PACSIN2: variants seen among roughly 807,000 people sequenced by gnomAD.
The protein encoded by PACSIN2 is protein kinase C and casein kinase substrate in neurons protein 2.
PACSIN2 carries 25 observed loss-of-function variants against 63.8 expected under a neutral mutation model. The observed-to-expected ratio is 0.39, with a 90% confidence interval of 0.29 to 0.55. The LOEUF is 0.55. PACSIN2 is among the 20% of genes least tolerant of loss of function. The pLI is 0.62. For synonymous variants in PACSIN2, 255 were observed against 256.2 expected (o/e 1.00, Z 0.05); for missense variants, 518 against 646.9 (o/e 0.80, Z 2.16).
intron 1 of PACSIN2, among the ~76,000 whole-genome samples, chr22:43,011,003 T>C (rs1924454010): frequency 6.6e-6 from 1 of 152,222 alleles, no homozygotes; most frequent in African/African-American, 2.4e-5. Flanking sequence ...GCAGAATAAT[T>C]TGAGAATTCT....
chr22:42,985,219 T>G (rs1922520470), intron 1 of PACSIN2, among the ~76,000 whole-genome samples: 1 of 152,184 alleles, frequency 6.6e-6, no homozygotes, highest in African/African-American at 2.4e-5. Flanking sequence ...TCCCAGCTAC[T>G]TGGGGGCTGA....
At position 42,871,373 on chromosome 22, in the gene PACSIN2, A is replaced by G. The variant is rs1201859124; in HGVS notation, c.1445T>C (p.Val482Ala). The G allele has an allele frequency of 6.2e-7, 1 of 1,612,752 alleles. No individual in the cohort carries two copies. The highest frequency in any genetic ancestry group is 1.3e-5 in the African/African-American group (1 of 74,846). The change falls in exon 11 of 11, where the codon GTG becomes GCG. Residue 482 changes from valine (V) to alanine (A), a missense_variant. By Grantham distance (64) the Val-to-Ala change is moderately conservative. This residue lies in a region of PACSIN2 where 11 missense variants were observed against 34.6 expected (regional missense o/e 0.32). Transcript: ENST00000263246. The surrounding 1 kb of genome is among the most constrained non-coding windows in gnomAD (Gnocchi z 5.4). ...CCCGACTCATCACTGGATCGCCTCCACATAATTTGCCGGGTATAGGCCAAC... is the reference window on the plus strand; with the variant it reads ...CCCGACTCATCACTGGATCGCCTCCGCATAATTTGCCGGGTATAGGCCAAC... ...GQVGLYPANY[V>A]EAIQ is the part of the protein sequence containing the mutation.
rs75234014 is a variant in PACSIN2, at chr22:42,889,789, C to A, written c.454-991G>T. 4.7e-3 allele frequency among the ~76,000 whole-genome samples: 716 copies of A among 152,178 alleles called. 1 individual carries two copies. The highest frequency in any genetic ancestry group is 0.015 in the African/African-American group (624 of 41,504). ...GATGACAGCCTCCAACTAGCCAAGG[C>A]TCGACAAAACTCAATGGCTTTGGTT... On this transcript the variant is annotated intron_variant, in intron 4 of 10. Coordinates refer to ENST00000263246, the MANE Select transcript of PACSIN2 (RefSeq NM_001184970.3).
intron 10 of PACSIN2, among the ~76,000 whole-genome samples, chr22:42,874,852 CTT>C (rs777530387): frequency 3.9e-5 from 5 of 128,136 alleles, no homozygotes; most frequent in Admixed American, 1.6e-4. Context: ...TGGGCATCCG[CTT>C]TTTTTTTTTT....
At chr22:42,882,111 ACAT>A in intron 7 of PACSIN2, 70 bp downstream of exon 7, 1 of 1,526,010 alleles carries the variant, frequency 6.6e-7, no homozygotes, top group South Asian at 1.1e-5. Context: ...AATGAGAAAG[ACAT>A]CATCTAGCAA....
chr22:42,989,780 G>A (rs1354462737), intron 1 of PACSIN2, among the ~76,000 whole-genome samples: 2 of 149,622 alleles, frequency 1.3e-5, no homozygotes, highest in Non-Finnish European at 3.0e-5. Context: ...CAGCCTGGGC[G>A]ACACAGTGAG....
In PACSIN2 at chr22:42,888,780, C is replaced by A. The variant is rs757502723; in HGVS notation, c.472G>T (p.Ala158Ser). 6.2e-7 allele frequency: 1 copy of A among 1,614,198 alleles called. No homozygotes were observed. The highest frequency in any genetic ancestry group is 2.2e-5 in the East Asian group (1 of 44,886). ...KLKEVEAAKK[A>S]HHAACKEEKL... Reference sequence around the variant, plus strand: ...TCCTCTTTGCACGCTGCATGGTGGGCTTTCTTTGCTGCTTCTACCTACAGG... The same window carrying A: ...TCCTCTTTGCACGCTGCATGGTGGGATTTCTTTGCTGCTTCTACCTACAGG... Residue 158 changes from alanine to serine, a missense_variant, in exon 5 of 11, where the codon GCC becomes TCC. By Grantham distance (99) the Ala-to-Ser change is moderately conservative (BLOSUM62 1). Around this residue, in one of 2 missense-constraint regions of PACSIN2, gnomAD observed 507 missense variants for 612.3 expected, o/e 0.83. Transcript: ENST00000263246.
intron 1 of PACSIN2, among the ~76,000 whole-genome samples, chr22:42,974,963 C>A (rs1921589624): frequency 6.6e-6 from 1 of 152,124 alleles, no homozygotes; most frequent in South Asian, 2.1e-4. Context: ...CCTCTGCAGA[C>A]CCAGCTGACC....
chr22:42,921,502 G>C (rs143816473), intron 1 of PACSIN2, among the ~76,000 whole-genome samples: 1 of 152,292 alleles, frequency 6.6e-6, no homozygotes, highest in Non-Finnish European at 1.5e-5. Context: ...GAAGGGCCAA[G>C]AGGGAACCAG....
At chr22:42,929,240 C>T (rs1211681060) in intron 1 of PACSIN2, among the ~76,000 whole-genome samples, 2 of 152,214 alleles carry the variant, frequency 1.3e-5, no homozygotes, top group Non-Finnish European at 2.9e-5. Flanking sequence ...CCATGCTTCC[C>T]AAGCACGTCC....
intron 1 of PACSIN2, among the ~76,000 whole-genome samples, chr22:42,971,318 C>T (rs186818341): frequency 1.6e-4 from 25 of 152,294 alleles, no homozygotes; most frequent in Non-Finnish European, 2.8e-4. Context: ...AGCTCCCGAC[C>T]GCAAGTGATC....
At chr22:42,884,837 G>C (rs1042923303) in intron 5 of PACSIN2, among the ~76,000 whole-genome samples, 1 of 152,218 alleles carries the variant, frequency 6.6e-6, no homozygotes, top group Non-Finnish European at 1.5e-5. Flanking sequence ...GTATGGTCTT[G>C]AGCGTGCCAC....
At chr22:42,980,414 G>A (rs976761474) in intron 1 of PACSIN2, among the ~76,000 whole-genome samples, 2 of 151,458 alleles carry the variant, frequency 1.3e-5, no homozygotes, top group Non-Finnish European at 2.9e-5. Flanking sequence ...ATCACACCAC[G>A]ACACTCCAGC....
intron 1 of PACSIN2, among the ~76,000 whole-genome samples, chr22:43,008,554 TCA>T (rs1339781971): frequency 3.3e-5 from 5 of 152,256 alleles, no homozygotes; most frequent in African/African-American, 1.2e-4. Flanking sequence ...CGGCCTAAGT[TCA>T]GTGTTCTTTT....
chr22:42,928,011 T>C (rs980144662), intron 1 of PACSIN2, among the ~76,000 whole-genome samples: 1 of 152,212 alleles, frequency 6.6e-6, no homozygotes, highest in Non-Finnish European at 1.5e-5. Context: ...GGGGATGTCA[T>C]GGCACATGCA....
chr22:42,902,556 G>C (rs576782947), intron 2 of PACSIN2, among the ~76,000 whole-genome samples: 2 of 152,310 alleles, frequency 1.3e-5, no homozygotes, highest in African/African-American at 4.8e-5. Flanking sequence ...AAGTCGCTGA[G>C]ATCTCAGAGG....
intron 1 of PACSIN2, among the ~76,000 whole-genome samples, chr22:43,014,364 ACCACCCCCCCC>A (rs1452804776): frequency 2.6e-3 from 14 of 5,298 alleles, no homozygotes; most frequent in African/African-American, 9.2e-3. Flanking sequence ...ACACACACAC[ACCACCCCCCCC>A]CCCCCGGGAC....
intron 1 of PACSIN2, among the ~76,000 whole-genome samples, chr22:42,968,167 C>G (rs1920997030): frequency 6.6e-6 from 1 of 152,172 alleles, no homozygotes. Flanking sequence ...TGGACCTCCA[C>G]AAACAGCGTG....
At chr22:42,918,880 T>C (rs1931980221) in intron 1 of PACSIN2, among the ~76,000 whole-genome samples, 1 of 152,174 alleles carries the variant, frequency 6.6e-6, no homozygotes, top group South Asian at 2.1e-4. Flanking sequence ...ATGAATCTGC[T>C]TGCAGCACCC....
Sources: allele counts gnomAD v4.1 joint callset (sites outside exome capture counted in the v4.1 genomes callset), GRCh38; gene constraint gnomAD v4.1.1; regional missense constraint gnomAD v4.1.1; non-coding constraint Gnocchi (gnomAD v3.1); transcripts MANE v1.5; gene names NCBI Gene and HGNC (gene_info 2026-07-23, HGNC 2026-07-21).